SCAPER: variants seen among roughly 807,000 people sequenced by gnomAD.
The protein encoded by SCAPER is S-phase cyclin A associated protein in the ER.
SCAPER carries 98 observed loss-of-function variants against 182.2 expected under a neutral mutation model. That is an observed-to-expected ratio of 0.54 (90% CI 0.46 to 0.64). SCAPER has a LOEUF of 0.64. SCAPER is among the 30% of genes least tolerant of loss of function. SCAPER has a pLI of 0.00. For missense variants in SCAPER, 1,432 were observed against 1,690.0 expected (o/e 0.85, Z 2.68); for synonymous variants, 605 against 564.6 (o/e 1.07, Z -1.01).
chr15:76,880,744 A>G (rs1239222350), intron 2 of SCAPER, among the ~76,000 whole-genome samples: 1 of 152,086 alleles, frequency 6.6e-6, no homozygotes, highest in Non-Finnish European at 1.5e-5. Flanking sequence ...CTCCCAAGAT[A>G]CTAAAATATA....
rs147885887 is a variant in SCAPER at position 76,434,556 on chromosome 15, G to C, written c.3079-246C>G. ...TAAAACAAGGATAATGAGAGTACCT[G>C]TATCATAGAATTTTTGTGATTATTA... On this transcript the variant is annotated intron_variant, in intron 25 of 31. Coordinates refer to ENST00000563290, the MANE Select transcript of SCAPER (RefSeq NM_020843.4). 6.5e-3 allele frequency among the ~76,000 whole-genome samples: 995 copies of C among 152,202 alleles called. 5 individuals are homozygous for C. The highest frequency in any genetic ancestry group is 9.4e-3 in the Non-Finnish European group (641 of 68,000).
intron 3 of SCAPER, 136 bp from the exon 4 acceptor site, chr15:76,858,015 G>A (rs2071553443): frequency 4.8e-6 from 3 of 623,796 alleles, no homozygotes; most frequent in Middle Eastern, 4.3e-4. Context: ...TCTCCTTCCA[G>A]AGACCACAGT....
At position 76,397,868 on chromosome 15, in the gene SCAPER, T is replaced by G. The variant is rs1011214938; in HGVS notation, c.3467+6656A>C. On this transcript the variant is annotated intron_variant, in intron 27 of 31. Coordinates refer to ENST00000563290, the MANE Select transcript of SCAPER (RefSeq NM_020843.4). ...CATGTTTGAATCTTGGTAGGTTGCA[T>G]GTGTCTCAAAACTTATCCATTTCCT... 9.2e-5 allele frequency among the ~76,000 whole-genome samples: 14 copies of G among 152,328 alleles called. 1 individual carries two copies. In the East Asian group the frequency reaches 2.7e-3, roughly 29 times the overall value.
chr15:76,766,036 TATA>T (rs2063091948), intron 11 of SCAPER, among the ~76,000 whole-genome samples: 3 of 152,180 alleles, frequency 2.0e-5, no homozygotes, highest in Non-Finnish European at 4.4e-5. Flanking sequence ...CATTAACATA[TATA>T]TCCTAAGCAC....
chr15:76,690,591 G>A (rs1199978186), intron 20 of SCAPER, among the ~76,000 whole-genome samples: 1 of 151,974 alleles, frequency 6.6e-6, no homozygotes, highest in African/African-American at 2.4e-5. Flanking sequence ...AAATAACAGG[G>A]GAAACTGTGC....
Position 76,728,737 on chromosome 15 carries a change from CCTAATGTTAGA to C in SCAPER, c.2023-11_2023-1del. ...TCTGCCTCTAGAGCTCTCTTGCGTT[CCTAATGTTAGA>C]AATATTTGTTTCCAATATTAGAATT... On this transcript the variant is annotated splice_acceptor_variant and splice_polypyrimidine_tract_variant and intron_variant, in intron 16 of 31. Transcript: ENST00000563290. LOFTEE classifies it high-confidence loss of function. 3 of 1,605,398 alleles carry C rather than the reference CCTAATGTTAGA, an allele frequency of 1.9e-6. No individual in the cohort carries two copies. The highest frequency in any genetic ancestry group is 1.7e-6 in the Non-Finnish European group (2 of 1,177,468).
chr15:76,536,727 A>T lies in SCAPER; in HGVS notation c.2839-31753T>A, dbSNP rs2044198630. Among the ~76,000 whole-genome samples the T allele has an allele frequency of 2.6e-5, 4 of 152,104 alleles. No individual in the cohort carries two copies. The South Asian group carries it at 8.3e-4, about 32-fold the overall frequency. On this transcript the variant is annotated intron_variant, in intron 23 of 31. Transcript: ENST00000563290. ...GAAGTTCTGGCCAGGGCAATTAGGC[A>T]GGAGAAGGAAATAAAGGGTATTCAA...
chr15:76,410,226 T>C (rs2045190855), intron 26 of SCAPER, among the ~76,000 whole-genome samples: 1 of 152,216 alleles, frequency 6.6e-6, no homozygotes, highest in Non-Finnish European at 1.5e-5. Flanking sequence ...CTCCCACTAT[T>C]CTTGTCCAAA....
At chr15:76,537,181 T>G (rs1009363740) in intron 23 of SCAPER, among the ~76,000 whole-genome samples, 2 of 151,130 alleles carry the variant, frequency 1.3e-5, no homozygotes, top group African/African-American at 4.9e-5. Context: ...CCCATCAAGC[T>G]ACCGATGACT....
At chr15:76,893,135 T>C (rs955287179) in intron 1 of SCAPER, among the ~76,000 whole-genome samples, 2 of 152,084 alleles carry the variant, frequency 1.3e-5, no homozygotes, top group African/African-American at 2.4e-5. Context: ...ATGAGAACAC[T>C]TGGACACAGG....
intron 8 of SCAPER, among the ~76,000 whole-genome samples, chr15:76,777,112 A>T (rs2063788806): frequency 6.6e-6 from 1 of 152,144 alleles, no homozygotes; most frequent in Non-Finnish European, 1.5e-5. Flanking sequence ...CACACAAAAA[A>T]ATATTGAAAG....
intron 25 of SCAPER, among the ~76,000 whole-genome samples, chr15:76,465,464 C>T (rs1455128794): frequency 1.3e-5 from 2 of 152,258 alleles, no homozygotes; most frequent in East Asian, 3.9e-4. Flanking sequence ...AAACATTCAG[C>T]CCACAGCACC....
At chr15:76,827,347 G>A (rs1261548996) in intron 5 of SCAPER, among the ~76,000 whole-genome samples, 1 of 152,010 alleles carries the variant, frequency 6.6e-6, no homozygotes. Flanking sequence ...CTGTGGACTC[G>A]GTCCTGAGGA....
chr15:76,830,475 C>A (rs145955645), intron 5 of SCAPER, among the ~76,000 whole-genome samples: 85 of 152,004 alleles, frequency 5.6e-4, no homozygotes, highest in African/African-American at 2.0e-3. Context: ...ACAGCTTGGA[C>A]TAGGATGGTA....
chr15:76,725,982 C>A (rs534788973), intron 17 of SCAPER, among the ~76,000 whole-genome samples: 1 of 149,900 alleles, frequency 6.7e-6, no homozygotes, highest in Non-Finnish European at 1.5e-5. Flanking sequence ...AAAACAACAA[C>A]AACAAAAATA....
chr15:76,580,542 G>A (rs1344746382), intron 22 of SCAPER, among the ~76,000 whole-genome samples: 1 of 152,128 alleles, frequency 6.6e-6, no homozygotes, highest in Non-Finnish European at 1.5e-5. Flanking sequence ...CCCCCTTGAA[G>A]CCAGGAGCTT....
intron 23 of SCAPER, among the ~76,000 whole-genome samples, chr15:76,534,998 C>T (rs1416916757): frequency 6.6e-6 from 1 of 151,952 alleles, no homozygotes; most frequent in Non-Finnish European, 1.5e-5. Flanking sequence ...GAGGTCACTG[C>T]AAAACATGGT....
At chr15:76,456,613 T>C (rs563498841) in intron 25 of SCAPER, among the ~76,000 whole-genome samples, 2 of 152,264 alleles carry the variant, frequency 1.3e-5, no homozygotes, top group Non-Finnish European at 2.9e-5. Context: ...TCAAAGTGGT[T>C]GATAATGGTA....
At chr15:76,553,560 G>A (rs973355262) in intron 23 of SCAPER, among the ~76,000 whole-genome samples, 2 of 152,082 alleles carry the variant, frequency 1.3e-5, no homozygotes, top group Non-Finnish European at 2.9e-5. Context: ...AAGCACTTTG[G>A]CTGGCACAAC....
Sources: allele counts gnomAD v4.1 joint callset (sites outside exome capture counted in the v4.1 genomes callset), GRCh38; gene constraint gnomAD v4.1.1; transcripts MANE v1.5; gene names NCBI Gene and HGNC (gene_info 2026-07-23, HGNC 2026-07-21).